Variants in NSFL1C observed in about 807,000 individuals in gnomAD.
NSFL1C encodes NSFL1 cofactor.
A neutral mutation model predicts 43.1 loss-of-function variants in NSFL1C; 14 were observed. The ratio of observed to expected loss-of-function variants is 0.32; its 90% confidence interval spans 0.21 to 0.51. The LOEUF (loss-of-function observed/expected upper bound fraction) is 0.51. Among genes scored for constraint, NSFL1C ranks in the 20% least tolerant of loss-of-function variants. The pLI is 0.98. For missense variants in NSFL1C, 406 were observed against 472.5 expected, an observed-to-expected ratio of 0.86 and a Z score of 1.30; for synonymous variants, 171 against 183.5, an observed-to-expected ratio of 0.93 and a Z score of 0.55.
chr20:1,465,340 G>T (rs978820212), intron 1 of NSFL1C, among the ~76,000 whole-genome samples: 2 of 152,218 alleles, frequency 1.3e-5, no homozygotes, highest in African/African-American at 4.8e-5. Flanking sequence ...GCCATGTAGT[G>T]AACTGGCATT....
rs2090242474 is a variant in NSFL1C, at chr20:1,454,049, G to A, written c.537+164C>T. 2.0e-5 allele frequency among the ~76,000 whole-genome samples: 3 copies of A among 152,156 alleles called. No individual in the cohort carries two copies. In the South Asian group the frequency reaches 6.2e-4, roughly 32 times the overall value. ...ACCCAGCACCCAGGAAACCTCCTTTGATTTTCCAGTAAGCGTCTTTGTTCG... is the reference window on the plus strand; with the variant it reads ...ACCCAGCACCCAGGAAACCTCCTTTAATTTTCCAGTAAGCGTCTTTGTTCG... On this transcript the variant is annotated intron_variant, in intron 5 of 8. Transcript: ENST00000216879.
In NSFL1C at chr20:1,443,662, A is replaced by G. The variant is rs1169873103; in HGVS notation, c.*87T>C. 6.9e-7 allele frequency: 1 copy of G among 1,448,934 alleles called. No individual in the cohort carries two copies. The highest frequency in any genetic ancestry group is 9.6e-7 in the Non-Finnish European group (1 of 1,043,510). 89.8% of individuals were successfully genotyped at this position (1,448,934 alleles called of 1,614,324 possible). Reference sequence around the variant, plus strand: ...CGTTGCACTGGACTGCTGGGTGTGCACAAGGGGGCAGGAGGGGCGATCCCC... The same window carrying G: ...CGTTGCACTGGACTGCTGGGTGTGCGCAAGGGGGCAGGAGGGGCGATCCCC... On this transcript the variant is annotated 3_prime_UTR_variant, in exon 9 of 9. Coordinates refer to ENST00000216879, the MANE Select transcript of NSFL1C (RefSeq NM_016143.5).
In NSFL1C at chr20:1,443,055, C is replaced by T. The variant is rs1261510061; in HGVS notation, c.*694G>A. ...TGAGAATCCCCAGGAGGCGAGCAGT[C>T]TGGATGGTAATGGAGGAAAGGGCCA... is the stretch of plus-strand genomic sequence containing the variant. On this transcript the variant is annotated 3_prime_UTR_variant, in exon 9 of 9. Transcript: ENST00000216879. 6.6e-6 allele frequency: 1 copy of T among 152,240 alleles called. No individual in the cohort carries two copies. The highest frequency in any genetic ancestry group is 1.5e-5 in the Non-Finnish European group (1 of 68,096). The allele number at this position is 152,240 out of a possible 1,614,324, so 9.4% of individuals were successfully genotyped here. A position where few individuals can be genotyped will look rare whatever the true frequency, so the allele number is the denominator to read the frequency against.
chr20:1,461,338 G>A (rs1286067815), intron 2 of NSFL1C, among the ~76,000 whole-genome samples: 5 of 152,210 alleles, frequency 3.3e-5, no homozygotes, highest in African/African-American at 4.8e-5. Context: ...GAATTATGGC[G>A]TGCAGCCTGG....
intron 2 of NSFL1C, among the ~76,000 whole-genome samples, chr20:1,460,795 C>T (rs2090393744): frequency 1.3e-5 from 2 of 152,202 alleles, no homozygotes; most frequent in African/African-American, 4.8e-5. Flanking sequence ...TAGCTAGTAG[C>T]TACCTTGTTG....
chr20:1,453,238 C>T (rs535131890), intron 5 of NSFL1C, 98 bp from the exon 6 acceptor site: 1 of 728,014 alleles, frequency 1.4e-6, no homozygotes, highest in Non-Finnish European at 2.5e-6. Flanking sequence ...AGTGTTGCTA[C>T]TATTAAAACA....
intron 8 of NSFL1C, among the ~76,000 whole-genome samples, chr20:1,445,318 T>A (rs2090035463): frequency 6.6e-6 from 1 of 152,156 alleles, no homozygotes; most frequent in African/African-American, 2.4e-5. Context: ...TTCTCCTCCA[T>A]CAACCACAGC....
Position 1,452,614 on chromosome 20 carries a change from G to A in NSFL1C, c.664C>T (p.Leu222Phe), listed in dbSNP as rs145945037. 4.8e-3 allele frequency: 7,792 copies of A among 1,614,170 alleles called. 24 individuals carry two copies. Among genetic ancestry groups the A allele is most frequent in the Non-Finnish European group, 5.6e-3 (6,616 of 1,180,028 alleles). ...TGTCCACCGTGAGCTAGCCTCCGAA[G>A]CTCTGCTGGCACCTCCCTGTGGAAG... Reference protein sequence around the residue: ...SIRRGEVPAELRRLAHGGQVN... With the variant: ...SIRRGEVPAEFRRLAHGGQVN... The change falls in exon 7 of 9, where the codon CTT (leucine) becomes TTT (phenylalanine). Residue 222 changes from leucine (L) to phenylalanine (F), a missense_variant. Physicochemically the swap from Leu to Phe is conservative, Grantham distance 22. This residue lies in a region of NSFL1C where 196 missense variants were observed against 228.0 expected (regional missense o/e 0.86). Transcript: ENST00000216879.
At chr20:1,466,063 C>T (rs563390735) in intron 1 of NSFL1C, among the ~76,000 whole-genome samples, 24 of 152,252 alleles carry the variant, frequency 1.6e-4, no homozygotes, top group South Asian at 1.2e-3. Flanking sequence ...TATTATGTGC[C>T]AGGCATTGTT....
intron 7 of NSFL1C, 75 bp from the exon 8 acceptor site, chr20:1,445,905 G>A (rs2090049242): frequency 6.8e-7 from 1 of 1,476,522 alleles, no homozygotes; most frequent in Admixed American, 1.9e-5. Context: ...TTCTTGGACT[G>A]TTACTGAGCA....
rs1405206166 is a variant in NSFL1C, at chr20:1,444,022, C to T, written c.951-111G>A. 35 of 1,196,934 alleles carry T rather than the reference C, an allele frequency of 2.9e-5. No individual in the cohort carries two copies. In the South Asian group the frequency reaches 4.6e-4, roughly 16 times the overall value. The allele number at this position is 1,196,934 out of a possible 1,614,324, so 74.1% of individuals were successfully genotyped here. On this transcript the variant is annotated intron_variant, in intron 8 of 8. Coordinates refer to ENST00000216879, the MANE Select transcript of NSFL1C (RefSeq NM_016143.5). ...CCCTTTCCTGACTTTCTCCACAGAA[C>T]AGCGAAAGCTACGCTCAGGCATGTG...
At chr20:1,449,767 TG>T (rs1036995998) in intron 7 of NSFL1C, among the ~76,000 whole-genome samples, 57 of 152,290 alleles carry the variant, frequency 3.7e-4, no homozygotes, top group African/African-American at 1.3e-3. Flanking sequence ...GGGAATAAAC[TG>T]GCACTAGGTA....
intron 1 of NSFL1C, among the ~76,000 whole-genome samples, chr20:1,465,055 G>A (rs1257534451): frequency 1.3e-5 from 2 of 152,154 alleles, no homozygotes; most frequent in Non-Finnish European, 2.9e-5. Context: ...CCTGCACACT[G>A]GATGAGATAA....
chr20:1,451,771 C>T (rs554772110), intron 7 of NSFL1C, among the ~76,000 whole-genome samples: 1 of 152,176 alleles, frequency 6.6e-6, no homozygotes, highest in Non-Finnish European at 1.5e-5. Context: ...ATTAACCAAT[C>T]AGATATCATC....
At chr20:1,457,988 C>T (rs111642024) in intron 3 of NSFL1C, 5 of 436,112 alleles carry the variant, frequency 1.1e-5, no homozygotes, top group African/African-American at 6.1e-5. Context: ...CCCTAATATT[C>T]CTCAATAAAT....
chr20:1,465,232 T>C (rs115952546), intron 1 of NSFL1C, among the ~76,000 whole-genome samples: 2 of 152,192 alleles, frequency 1.3e-5, no homozygotes, highest in Admixed American at 6.5e-5. Flanking sequence ...AGAGATGAAA[T>C]AGACATGGCC....
intron 3 of NSFL1C, chr20:1,457,143 T>C (rs959473990): frequency 6.6e-6 from 1 of 152,162 alleles, no homozygotes; most frequent in African/African-American, 2.4e-5. Context: ...ACATGTCTAT[T>C]GGGGGAAATA....
At chr20:1,458,078 A>G (rs1474005121) in intron 3 of NSFL1C, 122 bp downstream of exon 3, 6 of 803,830 alleles carry the variant, frequency 7.5e-6, no homozygotes, top group African/African-American at 1.7e-5. Flanking sequence ...CACACAGACC[A>G]GCCCACAGTA....
intron 1 of NSFL1C, 84 bp from the exon 2 acceptor site, chr20:1,464,510 C>G: frequency 9.2e-7 from 1 of 1,088,438 alleles, no homozygotes. Context: ...GGAATACAGA[C>G]ATGGCCAACA....
Sources: gnomAD v4.1 joint callset for allele counts (sites outside exome capture counted in the v4.1 genomes callset) on GRCh38, gnomAD v4.1.1 for gene constraint, gnomAD v4.1.1 regional missense constraint, MANE v1.5 for transcripts, NCBI Gene and HGNC (gene_info 2026-07-23, HGNC 2026-07-21) for gene names.